COL23A1: variants seen among roughly 807,000 people sequenced by gnomAD.
COL23A1 encodes collagen type XXIII alpha 1 chain, also known as collagen alpha-1(XXIII) chain.
A neutral mutation model predicts 99.3 loss-of-function variants in COL23A1; 97 were observed. That is an observed-to-expected ratio of 0.98 (90% CI 0.83 to 1.16). The LOEUF (loss-of-function observed/expected upper bound fraction) is 1.16, where lower values mean the gene tolerates loss of function less well. Ranked by LOEUF, COL23A1 falls within the 50% of genes most tolerant of loss-of-function variation. COL23A1 has a pLI of 0.00. For missense variants in COL23A1, 762 were observed against 757.4 expected, an observed-to-expected ratio of 1.01 and a Z score of -0.07; for synonymous variants, 320 against 308.2, an observed-to-expected ratio of 1.04 and a Z score of -0.40.
intron 2 of COL23A1, among the ~76,000 whole-genome samples, chr5:178,549,755 C>T (rs1207500586): frequency 6.6e-6 from 1 of 152,124 alleles, no homozygotes; most frequent in Non-Finnish European, 1.5e-5. Flanking sequence ...GCAGAGGTTG[C>T]AGTGAGCCGA....
At chr5:178,532,390 A>C (rs1408792750) in intron 2 of COL23A1, among the ~76,000 whole-genome samples, 2 of 152,198 alleles carry the variant, frequency 1.3e-5, no homozygotes, top group Non-Finnish European at 2.9e-5. Flanking sequence ...TCCTCGGACC[A>C]AATGCTGCCC....
chr5:178,288,791 A>G (rs1757298104), intron 4 of COL23A1, among the ~76,000 whole-genome samples: 1 of 146,086 alleles, frequency 6.8e-6, no homozygotes, highest in Non-Finnish European at 1.5e-5. Flanking sequence ...AGAAGCCAGG[A>G]ATATCGGGGG....
intron 12 of COL23A1, among the ~76,000 whole-genome samples, chr5:178,258,815 C>A (rs1047750551): frequency 6.6e-6 from 1 of 151,936 alleles, no homozygotes; most frequent in African/African-American, 2.4e-5. Flanking sequence ...CCACCTCAGC[C>A]TTGGAAGTAG....
At chr5:178,558,758 T>A (rs769037211) in intron 2 of COL23A1, among the ~76,000 whole-genome samples, 1 of 151,952 alleles carries the variant, frequency 6.6e-6, no homozygotes, top group African/African-American at 2.4e-5. Context: ...CATTTGTGGA[T>A]GTGAATTTTT....
chr5:178,523,159 T>TAC (rs1259431299), intron 2 of COL23A1, among the ~76,000 whole-genome samples: 9 of 70,090 alleles, frequency 1.3e-4, no homozygotes, highest in African/African-American at 1.8e-4. Flanking sequence ...TATATATATA[T>TAC]ATACATATAT....
intron 6 of COL23A1, among the ~76,000 whole-genome samples, chr5:178,269,634 C>G (rs949782095): frequency 1.6e-5 from 2 of 127,940 alleles, no homozygotes; most frequent in African/African-American, 5.5e-5. Flanking sequence ...ATTCATCCAC[C>G]CATCCACTCA....
intron 2 of COL23A1, among the ~76,000 whole-genome samples, chr5:178,427,892 T>G (rs769585239): frequency 3.3e-5 from 5 of 152,186 alleles, no homozygotes; most frequent in Non-Finnish European, 7.3e-5. Context: ...CATGTCATTG[T>G]GTATTTATCC....
At chr5:178,546,758 G>C (rs1443801460) in intron 2 of COL23A1, among the ~76,000 whole-genome samples, 1 of 152,230 alleles carries the variant, frequency 6.6e-6, no homozygotes, top group Non-Finnish European at 1.5e-5. Context: ...TTCTGTCCGT[G>C]ACACCCGCTT....
chr5:178,471,107 G>A (rs925665591), intron 2 of COL23A1, among the ~76,000 whole-genome samples: 3 of 152,196 alleles, frequency 2.0e-5, no homozygotes, highest in African/African-American at 7.2e-5. Flanking sequence ...AGGAAACAGA[G>A]GGCACCCCAA....
At chr5:178,430,245 TC>T (rs1178830786) in intron 2 of COL23A1, among the ~76,000 whole-genome samples, 1 of 152,112 alleles carries the variant, frequency 6.6e-6, no homozygotes, top group Non-Finnish European at 1.5e-5. Context: ...AAGGAATTTC[TC>T]CCATGCAAGC....
chr5:178,405,715 T>C (rs1295848381), intron 2 of COL23A1, among the ~76,000 whole-genome samples: 18 of 152,208 alleles, frequency 1.2e-4, no homozygotes, highest in Non-Finnish European at 2.6e-4. Context: ...TACTTACACA[T>C]TGTATGATTT....
chr5:178,422,605 G>GAC (rs983755593), intron 2 of COL23A1, among the ~76,000 whole-genome samples: 1 of 152,042 alleles, frequency 6.6e-6, no homozygotes, highest in African/African-American at 2.4e-5. Flanking sequence ...AGCTGGGAGG[G>GAC]ACGGGACCTG....
chr5:178,527,395 C>T (rs1241862886), intron 2 of COL23A1, among the ~76,000 whole-genome samples: 1 of 152,052 alleles, frequency 6.6e-6, no homozygotes, highest in East Asian at 1.9e-4. Flanking sequence ...TCTGTCTGTC[C>T]TGAGATCAGC....
intron 2 of COL23A1, among the ~76,000 whole-genome samples, chr5:178,323,604 C>T (rs560314430): frequency 6.6e-6 from 1 of 152,248 alleles, no homozygotes; most frequent in Non-Finnish European, 1.5e-5. Flanking sequence ...GTGGCAGCCC[C>T]ATCCTGCAGG....
chr5:178,378,341 C>A (rs1167599763), intron 2 of COL23A1: 1 of 151,364 alleles, frequency 6.6e-6, no homozygotes, highest in East Asian at 1.9e-4. Flanking sequence ...TTTCCTGCAC[C>A]CCCTGAGGAC....
In COL23A1 at chr5:178,313,575, C is replaced by T. The variant is rs1758819983; in HGVS notation, c.362-6656G>A. 6.6e-6 allele frequency among the ~76,000 whole-genome samples: 1 copy of T among 152,148 alleles called. No individual in the cohort carries two copies. Among genetic ancestry groups the T allele is most frequent in the African/African-American group, 2.4e-5 (1 of 41,430 alleles). ...AGAAATGGCGGAACTGGAACTGGAA[C>T]CCGGGTCTGTGTGACTTCGGAGTCT... is the stretch of plus-strand genomic sequence containing the variant. On this transcript the variant is annotated intron_variant, in intron 2 of 28. Transcript: ENST00000390654. This position sits in a 1 kb window ranked among gnomAD's most constrained non-coding sequence, Gnocchi z 4.2.
intron 2 of COL23A1, among the ~76,000 whole-genome samples, chr5:178,455,240 A>AT (rs1336526747): frequency 6.6e-6 from 1 of 152,212 alleles, no homozygotes; most frequent in Non-Finnish European, 1.5e-5. Flanking sequence ...GTCACCGATG[A>AT]AGGCGTGAAA....
At chr5:178,403,152 C>T (rs972898762) in intron 2 of COL23A1, among the ~76,000 whole-genome samples, 5 of 138,590 alleles carry the variant, frequency 3.6e-5, no homozygotes, top group African/African-American at 1.3e-4. Flanking sequence ...TACCATTTAC[C>T]GAAATCTTCT....
intron 2 of COL23A1, among the ~76,000 whole-genome samples, chr5:178,361,325 G>A (rs1017963238): frequency 1.8e-4 from 27 of 152,144 alleles, no homozygotes; most frequent in African/African-American, 4.8e-4. Flanking sequence ...TGGAAGGATT[G>A]GGAGAGATCT....
Sources: gnomAD v4.1 joint callset for allele counts (sites outside exome capture counted in the v4.1 genomes callset) on GRCh38, gnomAD v4.1.1 for gene constraint, Gnocchi (gnomAD v3.1) non-coding constraint, MANE v1.5 for transcripts, NCBI Gene and HGNC (gene_info 2026-07-23, HGNC 2026-07-21) for gene names.